DTNBP1: variants seen among roughly 807,000 people sequenced by gnomAD.
The protein encoded by DTNBP1 is dysbindin.
DTNBP1 carries 35 observed loss-of-function variants against 42.8 expected under a neutral mutation model. The ratio of observed to expected loss-of-function variants is 0.82; its 90% CI spans 0.63 to 1.09. The LOEUF (loss-of-function observed/expected upper bound fraction) is 1.09. Ranked by LOEUF, DTNBP1 falls within the 50% of genes least tolerant of loss-of-function variation. The probability of loss-of-function intolerance (pLI) is 0.00; values close to 1 mark genes in which losing one functional copy is unlikely to be tolerated. For missense variants in DTNBP1, 457 were observed against 424.2 expected (o/e 1.08, Z -0.68); for synonymous variants, 171 against 162.2 (o/e 1.05, Z -0.41).
chr6:15,649,527 G>T (rs1378967676), intron 3 of DTNBP1, among the ~76,000 whole-genome samples: 1 of 152,066 alleles, frequency 6.6e-6, no homozygotes, highest in Non-Finnish European at 1.5e-5. Flanking sequence ...AGAGTTGTTG[G>T]TTAACAGGTA....
intron 6 of DTNBP1, among the ~76,000 whole-genome samples, chr6:15,613,511 C>T (rs564580188): frequency 3.4e-4 from 52 of 151,506 alleles, no homozygotes; most frequent in Non-Finnish European, 6.9e-4. Flanking sequence ...GGACTACAGG[C>T]GCCCGCCACC....
chr6:15,621,540 C>T (rs1759040895), intron 5 of DTNBP1, among the ~76,000 whole-genome samples: 1 of 152,220 alleles, frequency 6.6e-6, no homozygotes, highest in Admixed American at 6.5e-5. Flanking sequence ...ACTGTACATA[C>T]TTCTGAATAG....
intron 8 of DTNBP1, among the ~76,000 whole-genome samples, chr6:15,528,515 G>A (rs561837544): frequency 8.3e-4 from 127 of 152,306 alleles, no homozygotes; most frequent in African/African-American, 2.7e-3. Flanking sequence ...GCTCAGGGAC[G>A]GGCGGCAGAA....
intron 3 of DTNBP1, among the ~76,000 whole-genome samples, chr6:15,644,538 C>G (rs1464334100): frequency 6.6e-6 from 1 of 152,100 alleles, no homozygotes; most frequent in Non-Finnish European, 1.5e-5. Flanking sequence ...AATCATAAAG[C>G]AGGTCTCAAT....
chr6:15,629,409 T>C (rs1343520388), intron 4 of DTNBP1, among the ~76,000 whole-genome samples: 3 of 152,190 alleles, frequency 2.0e-5, no homozygotes, highest in Admixed American at 2.0e-4. Context: ...ATTAACCATT[T>C]CTTACTGAAA....
rs771597071 is a variant in DTNBP1, at chr6:15,615,393, A to C, written c.362T>G (p.Leu121Ter). Reference protein sequence around the residue: ...LESMTANLTHLEASFEEVENN... With the variant: ...LESMTANLTH The stretch of plus-strand genomic sequence containing the variant: ...CTCTACCTCCTCAAAACTCGCCTCT[A>C]AATGAGCTGAAAGTATATAAAAATA... Residue 121 changes from leucine (L) to a stop codon, truncating the protein, a stop_gained, in exon 6 of 10, where the codon TTA becomes TGA. Transcript: ENST00000344537. LOFTEE classifies it high-confidence loss of function. The C allele has an allele frequency of 6.2e-7, 1 of 1,614,006 alleles. No homozygotes were observed.
intron 6 of DTNBP1, among the ~76,000 whole-genome samples, chr6:15,608,506 G>A (rs925220900): frequency 2.6e-5 from 4 of 152,152 alleles, no homozygotes; most frequent in African/African-American, 9.7e-5. Context: ...GATTGCTGAA[G>A]CTTCTCACCA....
At chr6:15,584,529 A>G (rs1163157489) in intron 7 of DTNBP1, among the ~76,000 whole-genome samples, 1 of 152,076 alleles carries the variant, frequency 6.6e-6, no homozygotes. Context: ...CTGAGCTATC[A>G]TTTTACTTCT....
intron 7 of DTNBP1, chr6:15,585,786 C>CTT: frequency 3.9e-6 from 6 of 1,531,586 alleles, no homozygotes; most frequent in Non-Finnish European, 5.2e-6. Flanking sequence ...AAGGAGTGAA[C>CTT]AGAAGCTCAG....
intron 6 of DTNBP1, chr6:15,595,230 A>G: frequency 2.2e-6 from 1 of 454,910 alleles, no homozygotes; most frequent in Non-Finnish European, 4.4e-6. Flanking sequence ...GGTTTAAAGA[A>G]AAAAATCAGT....
intron 7 of DTNBP1, among the ~76,000 whole-genome samples, chr6:15,554,233 TTTTTTCTTC>T (rs1364473699): frequency 1.3e-5 from 2 of 152,172 alleles, no homozygotes; most frequent in Admixed American, 6.6e-5. Context: ...ATTTGTATGC[TTTTTTCTTC>T]TTTTTCTTCT....
intron 7 of DTNBP1, among the ~76,000 whole-genome samples, chr6:15,549,895 G>A (rs1173570587): frequency 6.6e-6 from 1 of 152,136 alleles, no homozygotes; most frequent in African/African-American, 2.4e-5. Context: ...AAAAGCTACA[G>A]CAAGGAATCA....
intron 7 of DTNBP1, among the ~76,000 whole-genome samples, chr6:15,568,626 C>T (rs1055908915): frequency 6.6e-6 from 1 of 152,022 alleles, no homozygotes. Flanking sequence ...TTTGCCACCC[C>T]TGAGTCAGCA....
chr6:15,524,421 G>A (rs1171162631), intron 9 of DTNBP1, 105 bp downstream of exon 9: 2 of 1,614,118 alleles, frequency 1.2e-6, no homozygotes, highest in Non-Finnish European at 1.7e-6. Flanking sequence ...GTGAGCTTGG[G>A]GGTTTATGCG....
intron 3 of DTNBP1, among the ~76,000 whole-genome samples, chr6:15,643,344 A>G (rs951505198): frequency 6.6e-6 from 1 of 152,210 alleles, no homozygotes. Flanking sequence ...CTGAGAGAAG[A>G]AAAAGTAAGG....
Position 15,593,095 on chromosome 6 carries a change from A to AG in DTNBP1, c.489-15_489-14insC. On this transcript the variant is annotated splice_polypyrimidine_tract_variant and intron_variant, in intron 6 of 9. Transcript: ENST00000344537. ...TCAAGTTCCTTCCTGTAGGAAAAAAAAAAAAAAGACAAGACAATGCAAATT... is the reference window on the plus strand; with the variant it reads ...TCAAGTTCCTTCCTGTAGGAAAAAAAGAAAAAAAGACAAGACAATGCAAATT... 6.4e-7 allele frequency: 1 copy of AG among 1,570,740 alleles called. No homozygotes were observed. Among genetic ancestry groups the AG allele is most frequent in the Non-Finnish European group, 8.6e-7 (1 of 1,158,742 alleles).
chr6:15,594,997 G>T (rs1368819544), intron 6 of DTNBP1, among the ~76,000 whole-genome samples: 1 of 152,120 alleles, frequency 6.6e-6, no homozygotes, highest in East Asian at 1.9e-4. Context: ...ATTGAGGAGG[G>T]CGGTTTTCCT....
chr6:15,543,068 TA>T (rs1277553850), intron 7 of DTNBP1, among the ~76,000 whole-genome samples: 3 of 152,130 alleles, frequency 2.0e-5, no homozygotes, highest in South Asian at 2.1e-4. Context: ...TTTTTAGCCA[TA>T]AAAAATTATT....
At chr6:15,603,831 C>T (rs1344190655) in intron 6 of DTNBP1, among the ~76,000 whole-genome samples, 1 of 152,198 alleles carries the variant, frequency 6.6e-6, no homozygotes, top group Non-Finnish European at 1.5e-5. Flanking sequence ...TGGGAAGAGG[C>T]TCTGTGTGAG....
Sources: gnomAD v4.1 joint callset for allele counts (sites outside exome capture counted in the v4.1 genomes callset) on GRCh38, gnomAD v4.1.1 for gene constraint, MANE v1.5 for transcripts, NCBI Gene and HGNC (gene_info 2026-07-23, HGNC 2026-07-21) for gene names.